The following UBE3C variants were observed in gnomAD, a reference collection of about 807,000 sequenced individuals.
UBE3C encodes ubiquitin-protein ligase E3C.
UBE3C carries 42 observed loss-of-function variants against 129.4 expected under a neutral mutation model. The observed-to-expected ratio is 0.32, with a 90% CI of 0.25 to 0.42. UBE3C has a LOEUF of 0.42. UBE3C is among the 10% of genes least tolerant of loss of function. The pLI, the probability that UBE3C is intolerant of heterozygous loss-of-function variation, is 1.00. For missense variants in UBE3C, 1,049 were observed against 1,319.1 expected, an observed-to-expected ratio of 0.80 and a Z score of 3.17; for synonymous variants, 510 against 492.4, an observed-to-expected ratio of 1.04 and a Z score of -0.47.
At position 157,267,973 on chromosome 7, in the gene UBE3C, C is replaced by T; in HGVS notation, c.*218C>T. The T allele has an allele frequency of 2.3e-6, 1 of 441,166 alleles. No homozygotes were observed. Among genetic ancestry groups the T allele is most frequent in the Non-Finnish European group, 4.0e-6 (1 of 253,088 alleles). 27.3% of individuals were successfully genotyped at this position (441,166 alleles called of 1,614,324 possible). On this transcript the variant is annotated 3_prime_UTR_variant, in exon 23 of 23. Transcript: ENST00000348165. Reference sequence around the variant, plus strand: ...TTGCTTTTCAAATAACTTAAAATAACACGTTATGTGCCATGTGGCTACTTT... The same window carrying T: ...TTGCTTTTCAAATAACTTAAAATAATACGTTATGTGCCATGTGGCTACTTT...
intron 1 of UBE3C, among the ~76,000 whole-genome samples, chr7:157,142,539 G>C (rs1807482970): frequency 6.6e-6 from 1 of 152,138 alleles, no homozygotes; most frequent in South Asian, 2.1e-4. Context: ...AATTAGGATG[G>C]GTGGAAGACG....
chr7:157,220,001 A>G (rs909584094), intron 14 of UBE3C, among the ~76,000 whole-genome samples: 4 of 152,310 alleles, frequency 2.6e-5, no homozygotes, highest in African/African-American at 7.2e-5. Context: ...GCTTAAGCTC[A>G]GGAGTTCAAG....
At chr7:157,220,547 A>G (rs1795709077) in intron 14 of UBE3C, 142 bp from the exon 15 acceptor site, 2 of 761,920 alleles carry the variant, frequency 2.6e-6, no homozygotes, top group East Asian at 2.7e-5. Context: ...GGTAAAGCAA[A>G]AGGGGACATG....
chr7:157,223,412 A>T, intron 16 of UBE3C, 61 bp downstream of exon 16: 1 of 1,404,716 alleles, frequency 7.1e-7, no homozygotes, highest in Non-Finnish European at 9.8e-7. Context: ...AAATTAACAC[A>T]CACCCACCAG....
chr7:157,163,784 C>T, intron 1 of UBE3C, 26 bp from the exon 2 acceptor site: 1 of 1,604,428 alleles, frequency 6.2e-7, no homozygotes, highest in Non-Finnish European at 8.5e-7. Context: ...ATAACCTTAC[C>T]TCCTTTTTTC....
At chr7:157,166,509 G>A (rs528393042) in intron 2 of UBE3C, among the ~76,000 whole-genome samples, 4 of 152,210 alleles carry the variant, frequency 2.6e-5, no homozygotes, top group South Asian at 2.1e-4. Flanking sequence ...GGGAGGCCGA[G>A]GCAGGCCGAT....
intron 6 of UBE3C, 47 bp from the exon 7 acceptor site, chr7:157,181,471 A>G (rs1203205490): frequency 1.3e-6 from 2 of 1,521,148 alleles, no homozygotes; most frequent in Non-Finnish European, 1.8e-6. Context: ...TTTTTCCCTT[A>G]TTACAGGAAA....
chr7:157,141,626 C>T (rs886196882), intron 1 of UBE3C, among the ~76,000 whole-genome samples: 3 of 152,142 alleles, frequency 2.0e-5, no homozygotes, highest in Non-Finnish European at 4.4e-5. Flanking sequence ...CTTATGGGAC[C>T]ACGGTGTATA....
intron 1 of UBE3C, among the ~76,000 whole-genome samples, chr7:157,140,902 G>A (rs1035193623): frequency 1.3e-5 from 2 of 152,184 alleles, no homozygotes; most frequent in Non-Finnish European, 2.9e-5. Context: ...GATACAGTCA[G>A]GTTCACAAAC....
chr7:157,267,542 C>A, intron 22 of UBE3C, 43 bp from the exon 23 acceptor site: 1 of 1,607,056 alleles, frequency 6.2e-7, no homozygotes, highest in Non-Finnish European at 8.5e-7. Flanking sequence ...CATGTAATGC[C>A]ATGCTTGTTA....
At chr7:157,230,929 A>G in intron 17 of UBE3C, 151 bp from the exon 18 acceptor site, 1 of 1,209,170 alleles carries the variant, frequency 8.3e-7, no homozygotes, top group Admixed American at 2.3e-5. Flanking sequence ...TGTCTCAAAA[A>G]ATAATGATAA....
intron 17 of UBE3C, among the ~76,000 whole-genome samples, chr7:157,226,233 G>T (rs188799959): frequency 1.5e-4 from 23 of 152,128 alleles, no homozygotes; most frequent in Admixed American, 1.5e-3. Flanking sequence ...AAGTGCCATT[G>T]CAATCCAAGT....
At chr7:157,145,692 A>G (rs1807585695) in intron 1 of UBE3C, among the ~76,000 whole-genome samples, 1 of 152,128 alleles carries the variant, frequency 6.6e-6, no homozygotes, top group Non-Finnish European at 1.5e-5. Flanking sequence ...ACTTAGTACT[A>G]TGCATTTAAG....
chr7:157,157,748 G>A (rs62491940), intron 1 of UBE3C, among the ~76,000 whole-genome samples: 15,452 of 152,182 alleles, frequency 0.1, 899 homozygotes, highest in African/African-American at 0.14. Context: ...GCCAAGGTGG[G>A]TGGATCACCT....
intron 18 of UBE3C, 132 bp from the exon 19 acceptor site, chr7:157,248,236 C>A: frequency 1.3e-6 from 1 of 794,586 alleles, no homozygotes; most frequent in Non-Finnish European, 2.0e-6. Context: ...TATCAGCTTC[C>A]ATCTTCGGTA....
chr7:157,261,704 T>G (rs928970005), intron 22 of UBE3C, among the ~76,000 whole-genome samples: 8 of 152,234 alleles, frequency 5.3e-5, no homozygotes, highest in Non-Finnish European at 1.2e-4. Context: ...GTTATGAAAC[T>G]CCTTAGTGCC....
chr7:157,267,346 T>G (rs112012369), intron 22 of UBE3C, among the ~76,000 whole-genome samples: 2 of 152,108 alleles, frequency 1.3e-5, no homozygotes, highest in African/African-American at 4.8e-5. Context: ...CGCTTGAACC[T>G]GGGAGGCAGA....
In UBE3C at chr7:157,219,404, C is replaced by T. The variant is rs148047340; in HGVS notation, c.1915-1285C>T. 2.9e-3 allele frequency among the ~76,000 whole-genome samples: 447 copies of T among 152,276 alleles called. 2 individuals are homozygous for T. The highest frequency in any genetic ancestry group is 0.01 in the African/African-American group (425 of 41,524). On this transcript the variant is annotated intron_variant, in intron 14 of 22. Coordinates refer to ENST00000348165, the MANE Select transcript of UBE3C (RefSeq NM_014671.3). ...TCTGCAGTGAAAAGCAGAGATGGGGCCTCTCAGTGATCGAGCATCCCACAC... is the reference window on the plus strand; with the variant it reads ...TCTGCAGTGAAAAGCAGAGATGGGGTCTCTCAGTGATCGAGCATCCCACAC...
intron 13 of UBE3C, among the ~76,000 whole-genome samples, chr7:157,209,322 A>C (rs779979820): frequency 6.6e-6 from 1 of 152,244 alleles, no homozygotes; most frequent in Non-Finnish European, 1.5e-5. Context: ...CACTGAATAC[A>C]GTCCTAATGC....
Sources: allele counts gnomAD v4.1 joint callset (sites outside exome capture counted in the v4.1 genomes callset), GRCh38; gene constraint gnomAD v4.1.1; transcripts MANE v1.5; gene names NCBI Gene and HGNC (gene_info 2026-07-23, HGNC 2026-07-21).